The following EXOG variants were observed in gnomAD, a reference collection of about 807,000 sequenced individuals.
EXOG encodes the protein exo/endonuclease G, also known as nuclease EXOG, mitochondrial.
EXOG carries 27 observed loss-of-function variants against 25.8 expected under a neutral mutation model. The observed-to-expected ratio is 1.05, with a 90% CI of 0.77 to 1.45. EXOG has a LOEUF of 1.45. Among genes scored for constraint, EXOG ranks in the 40% most tolerant of loss-of-function variants. The pLI, the probability that EXOG is intolerant of heterozygous loss-of-function variation, is 0.00. For synonymous variants in EXOG, 133 were observed against 167.0 expected (o/e 0.80, Z 1.57); for missense variants, 458 against 450.5 (o/e 1.02, Z -0.15).
At chr3:38,505,380 T>C (rs1422760181) in intron 4 of EXOG, 4 of 152,184 alleles carry the variant, frequency 2.6e-5, no homozygotes, top group Admixed American at 2.6e-4. Flanking sequence ...TGGAAGCATT[T>C]AACATTTTCT....
At chr3:38,522,494 G>A (rs751050342) in intron 5 of EXOG, among the ~76,000 whole-genome samples, 53 of 152,120 alleles carry the variant, frequency 3.5e-4, no homozygotes, top group Admixed American at 1.1e-3. Flanking sequence ...TTTCAAAAAA[G>A]CCTTTTTGTT....
At position 38,525,076 on chromosome 3, in the gene EXOG, A is replaced by G; in HGVS notation, c.*714A>G. 1 of 984,650 alleles carries G rather than the reference A, an allele frequency of 1.0e-6. No individual in the cohort carries two copies. Among genetic ancestry groups the G allele is most frequent in the South Asian group, 4.7e-5 (1 of 21,242 alleles). The allele number at this position is 984,650 out of a possible 1,614,324, so 61.0% of individuals were successfully genotyped here. ...CGTTTCTCTACTTCTGTCTACGTAG[A>G]AGCACTCAGCAACTAGTTTCTGCTC... On this transcript the variant is annotated 3_prime_UTR_variant, in exon 6 of 6. Coordinates refer to ENST00000287675, the MANE Select transcript of EXOG (RefSeq NM_005107.4).
Position 38,525,582 on chromosome 3 carries a change from G to T in EXOG, c.*1220G>T. The T allele has an allele frequency of 1.0e-5, 10 of 985,338 alleles. No individual in the cohort carries two copies. The highest frequency in any genetic ancestry group is 9.6e-6 in the Non-Finnish European group (8 of 829,876). The allele number at this position is 985,338 out of a possible 1,614,324, so 61.0% of individuals were successfully genotyped here. On this transcript the variant is annotated 3_prime_UTR_variant, in exon 6 of 6. Transcript: ENST00000287675. ...AGAGATACAGTTCTTTTAGTGACCA[G>T]ATACTGCCAAATTGATGTGTTCTTG...
chr3:38,516,046 T>G (rs2060533208), intron 5 of EXOG, among the ~76,000 whole-genome samples: 1 of 152,160 alleles, frequency 6.6e-6, no homozygotes. Context: ...TCCTGTATAT[T>G]TTATCTTAAC....
At chr3:38,520,047 C>T in intron 5 of EXOG, among the ~76,000 whole-genome samples, 1 of 152,236 alleles carries the variant, frequency 6.6e-6, no homozygotes, top group Middle Eastern at 3.4e-3. Context: ...GGAATGTAAC[C>T]AAATATATCT....
At position 38,525,418 on chromosome 3, in the gene EXOG, C is replaced by T. The variant is rs1448665948; in HGVS notation, c.*1056C>T. 6 of 985,230 alleles carry T rather than the reference C, an allele frequency of 6.1e-6. No homozygotes were observed. Among genetic ancestry groups the T allele is most frequent in the African/African-American group, 1.7e-5 (1 of 57,216 alleles). The allele number at this position is 985,230 out of a possible 1,614,324, so 61.0% of individuals were successfully genotyped here. A position where few individuals can be genotyped will look rare whatever the true frequency, so the allele number is the denominator to read the frequency against. ...GCTTGGCAAGAAGAGTCTGGTTTCT[C>T]GTCTGCTATGCAAGCCAAAGGGACT... On this transcript the variant is annotated 3_prime_UTR_variant, in exon 6 of 6. Coordinates refer to ENST00000287675, the MANE Select transcript of EXOG (RefSeq NM_005107.4).
At position 38,524,185 on chromosome 3, in the gene EXOG, C is replaced by CTTGA; in HGVS notation, c.931_934dup (p.Ser312IlefsTer7). Reference sequence around the variant, plus strand: ...TGGATTTCCAGGAGTTCACCTTGTACTTGAGTACAAGAAAGATTGAAGGAG... The same window carrying CTTGA: ...TGGATTTCCAGGAGTTCACCTTGTACTTGATTGAGTACAAGAAAGATTGAAGGAG... On this transcript the variant is annotated frameshift_variant, in exon 6 of 6. Coordinates refer to ENST00000287675, the MANE Select transcript of EXOG (RefSeq NM_005107.4). LOFTEE classifies it low-confidence loss of function (END_TRUNC). The CTTGA allele has an allele frequency of 6.2e-7, 1 of 1,614,142 alleles. No homozygotes were observed. Among genetic ancestry groups the CTTGA allele is most frequent in the Non-Finnish European group, 8.5e-7 (1 of 1,180,026 alleles).
At chr3:38,520,858 A>G (rs1161601816) in intron 5 of EXOG, among the ~76,000 whole-genome samples, 1 of 152,240 alleles carries the variant, frequency 6.6e-6, no homozygotes, top group Admixed American at 6.5e-5. Context: ...CGCGACTTGC[A>G]GCTTAGTGGC....
chr3:38,513,938 G>A (rs973689103), intron 5 of EXOG: 2 of 152,264 alleles, frequency 1.3e-5, no homozygotes, highest in Admixed American at 1.3e-4. Flanking sequence ...AGAAAGACAA[G>A]GGGAAGTGAG....
rs908513206 is a variant in EXOG at position 38,496,727 on chromosome 3, C to G, written c.163+197C>G. On this transcript the variant is annotated intron_variant, in intron 1 of 5. Coordinates refer to ENST00000287675, the MANE Select transcript of EXOG (RefSeq NM_005107.4). The stretch of plus-strand genomic sequence containing the variant: ...GCGTCTCGCCAGCTTCCCTCATGTC[C>G]TTCCTTCCCCCGGGCATCTTCGTTT... 4.1e-6 allele frequency: 6 copies of G among 1,449,922 alleles called. No individual in the cohort carries two copies. The African/African-American group carries it at 8.5e-5, about 21-fold the overall frequency. 89.8% of individuals were successfully genotyped at this position (1,449,922 alleles called of 1,614,324 possible). A position where few individuals can be genotyped will look rare whatever the true frequency, so the allele number is the denominator to read the frequency against.
intron 5 of EXOG, among the ~76,000 whole-genome samples, chr3:38,514,917 C>A (rs2060491781): frequency 1.3e-5 from 2 of 151,912 alleles, no homozygotes; most frequent in African/African-American, 4.8e-5. Context: ...ATTACAGGCA[C>A]CTGCCACCAC....
At chr3:38,514,778 CT>C (rs10678824) in intron 5 of EXOG, among the ~76,000 whole-genome samples, 5 of 113,606 alleles carry the variant, frequency 4.4e-5, no homozygotes, top group African/African-American at 3.5e-5. Context: ...CCTCCCCCTG[CT>C]TTTTTTTTTG....
chr3:38,500,572 C>T (rs2125751613), intron 2 of EXOG, among the ~76,000 whole-genome samples: 1 of 152,282 alleles, frequency 6.6e-6, no homozygotes, highest in African/African-American at 2.4e-5. Context: ...ACCTTGGAAT[C>T]AGTGACTTCA....
At chr3:38,497,511 C>T (rs915291659) in intron 1 of EXOG, 118 bp from the exon 2 acceptor site, 41 of 1,395,454 alleles carry the variant, frequency 2.9e-5, no homozygotes, top group Non-Finnish European at 1.5e-5. Context: ...TGAGCCAGTC[C>T]TTTGTAAATC....
At chr3:38,499,572 AT>A (rs1208797670) in intron 2 of EXOG, 5 of 436,946 alleles carry the variant, frequency 1.1e-5, no homozygotes, top group African/African-American at 1.0e-4. Flanking sequence ...GGACTGAGTT[AT>A]TCAGATAGAA....
chr3:38,497,485 T>G, intron 1 of EXOG, 144 bp from the exon 2 acceptor site: 5 of 1,358,360 alleles, frequency 3.7e-6, no homozygotes, highest in Non-Finnish European at 4.7e-6. Context: ...TGAGATTTTC[T>G]GGTTGATTAG....
In EXOG at chr3:38,508,718, C is replaced by G. The variant is rs533677608; in HGVS notation, c.645+1750C>G. Among the ~76,000 whole-genome samples, 10 of 149,596 alleles carry G rather than the reference C, an allele frequency of 6.7e-5. No homozygotes were observed. The South Asian group carries it at 1.9e-3, about 29-fold the overall frequency. On this transcript the variant is annotated intron_variant, in intron 5 of 5. Coordinates refer to ENST00000287675, the MANE Select transcript of EXOG (RefSeq NM_005107.4). ...GGAACAGATTGAGGAACCACCCCCC[C>G]CCCAAAAAAAAACCAAAACTTTTAG...
chr3:38,507,542 T>C (rs1290390024), intron 5 of EXOG, among the ~76,000 whole-genome samples: 1 of 152,186 alleles, frequency 6.6e-6, no homozygotes, highest in Non-Finnish European at 1.5e-5. Context: ...GGTGAGATAA[T>C]ATGCGACTTT....
chr3:38,510,120 A>G (rs1473410011), intron 5 of EXOG, among the ~76,000 whole-genome samples: 3 of 152,134 alleles, frequency 2.0e-5, no homozygotes, highest in Non-Finnish European at 4.4e-5. Context: ...GAAACGCTGT[A>G]CTCCTGGTGT....
Sources: gnomAD v4.1 joint callset for allele counts (sites outside exome capture counted in the v4.1 genomes callset) on GRCh38, gnomAD v4.1.1 for gene constraint, MANE v1.5 for transcripts, NCBI Gene and HGNC (gene_info 2026-07-23, HGNC 2026-07-21) for gene names.